The following LRP1B variants were observed in gnomAD, a reference collection of about 807,000 sequenced individuals.
The protein encoded by LRP1B is low-density lipoprotein receptor-related protein 1B.
In LRP1B, 217 loss-of-function variants were observed where a neutral mutation model predicts 556.6. The observed-to-expected ratio is 0.39, with a 90% CI of 0.35 to 0.44. The LOEUF is 0.44. Among genes scored for constraint, LRP1B ranks in the 20% least tolerant of loss-of-function variants. The pLI is 1.00. For synonymous variants in LRP1B, 2,047 were observed against 1,865.8 expected, an observed-to-expected ratio of 1.10 and a Z score of -2.50; for missense variants, 5,053 against 5,620.8, an observed-to-expected ratio of 0.90 and a Z score of 3.23.
At chr2:142,013,453 A>T (rs1703018409) in intron 1 of LRP1B, among the ~76,000 whole-genome samples, 1 of 152,112 alleles carries the variant, frequency 6.6e-6, no homozygotes, top group African/African-American at 2.4e-5. Context: ...TAGAGTCAGG[A>T]TAAAGTGATA....
intron 66 of LRP1B, among the ~76,000 whole-genome samples, chr2:140,394,506 T>C (rs575310556): frequency 3.2e-4 from 49 of 152,114 alleles, no homozygotes; most frequent in Non-Finnish European, 5.1e-4. Context: ...GACATAACTT[T>C]GCAGGCCAGA....
intron 1 of LRP1B, among the ~76,000 whole-genome samples, chr2:142,033,151 G>A (rs1246846255): frequency 1.3e-5 from 2 of 151,778 alleles, no homozygotes; most frequent in African/African-American, 2.4e-5. Context: ...ATCTCCAGCT[G>A]CTAAGATGTT....
chr2:140,429,024 A>G (rs959594360), intron 66 of LRP1B, among the ~76,000 whole-genome samples: 1 of 151,944 alleles, frequency 6.6e-6, no homozygotes, highest in Non-Finnish European at 1.5e-5. Flanking sequence ...CCCCCACCTT[A>G]ACCCACAAGT....
chr2:141,605,798 A>G (rs530305141), intron 2 of LRP1B, among the ~76,000 whole-genome samples: 62 of 152,324 alleles, frequency 4.1e-4, no homozygotes, highest in Non-Finnish European at 7.2e-4. Context: ...CAAACAGTAT[A>G]TATGGCCTGT....
At chr2:141,165,673 T>C (rs1162129820) in intron 7 of LRP1B, among the ~76,000 whole-genome samples, 1 of 151,880 alleles carries the variant, frequency 6.6e-6, no homozygotes, top group East Asian at 1.9e-4. Context: ...AATTGAACCA[T>C]TAAGGAAATT....
At chr2:142,081,723 C>A (rs1430925911) in intron 1 of LRP1B, among the ~76,000 whole-genome samples, 6 of 152,182 alleles carry the variant, frequency 3.9e-5, no homozygotes, top group African/African-American at 1.4e-4. Flanking sequence ...AAGCGATCCT[C>A]CTGCTTCAGC....
chr2:142,066,759 A>T (rs540360460), intron 1 of LRP1B, among the ~76,000 whole-genome samples: 1 of 151,464 alleles, frequency 6.6e-6, no homozygotes, highest in Non-Finnish European at 1.5e-5. Context: ...CCCAATTTCA[A>T]ATCTACTTCC....
At chr2:141,757,790 G>A (rs776295919) in intron 2 of LRP1B, among the ~76,000 whole-genome samples, 1 of 152,016 alleles carries the variant, frequency 6.6e-6, no homozygotes, top group African/African-American at 2.4e-5. Flanking sequence ...TCCCACACTG[G>A]CCTCTCAAAA....
rs547010991 is a variant in LRP1B at position 141,303,734 on chromosome 2, T to G, written c.344-49093A>C. ...AATAGTACTGCAGTAAATACAGAGA[T>G]GCAGGTATCCCTTTGATGTATTGAT... On this transcript the variant is annotated intron_variant, in intron 3 of 90. Coordinates refer to ENST00000389484, the MANE Select transcript of LRP1B (RefSeq NM_018557.3). Among the ~76,000 whole-genome samples, 7 of 152,300 alleles carry G rather than the reference T, an allele frequency of 4.6e-5. No individual in the cohort carries two copies. In the East Asian group the frequency reaches 1.4e-3, roughly 29 times the overall value.
chr2:141,496,583 G>A (rs1683516617), intron 2 of LRP1B, among the ~76,000 whole-genome samples: 1 of 152,008 alleles, frequency 6.6e-6, no homozygotes, highest in Non-Finnish European at 1.5e-5. Flanking sequence ...AGAAGAACAT[G>A]CACACTTAGT....
At position 140,487,754 on chromosome 2, in the gene LRP1B, G is replaced by T. The variant is rs1265172431; in HGVS notation, c.9121-15C>A. On this transcript the variant is annotated splice_polypyrimidine_tract_variant and intron_variant, in intron 57 of 90. Coordinates refer to ENST00000389484, the MANE Select transcript of LRP1B (RefSeq NM_018557.3). ...TTGTTTAATCCCTGAAAATAAAAAA[G>T]ACTATGTTGTCAATGATAGTTCATA... 4 of 1,478,888 alleles carry T rather than the reference G, an allele frequency of 2.7e-6. No individual in the cohort carries two copies. Among genetic ancestry groups the T allele is most frequent in the Non-Finnish European group, 3.7e-6 (4 of 1,080,112 alleles). The allele number at this position is 1,478,888 out of a possible 1,614,324, so 91.6% of individuals were successfully genotyped here.
chr2:141,578,189 C>T (rs113844292), intron 2 of LRP1B, among the ~76,000 whole-genome samples: 279 of 152,036 alleles, frequency 1.8e-3, no homozygotes, highest in African/African-American at 6.4e-3. Flanking sequence ...AGGTCAAGAG[C>T]TTGAGACCAA....
At chr2:142,005,401 CTG>C (rs1431729277) in intron 1 of LRP1B, among the ~76,000 whole-genome samples, 1 of 152,086 alleles carries the variant, frequency 6.6e-6, no homozygotes, top group Non-Finnish European at 1.5e-5. Flanking sequence ...ACAGTTTTCT[CTG>C]AAGCCCTATG....
intron 32 of LRP1B, among the ~76,000 whole-genome samples, chr2:140,783,708 T>C (rs1689782962): frequency 1.3e-5 from 2 of 152,012 alleles, no homozygotes; most frequent in African/African-American, 2.4e-5. Context: ...AATAGGGAGA[T>C]TGATGCAATT....
chr2:140,611,359 G>A (rs1683065578), intron 41 of LRP1B, among the ~76,000 whole-genome samples: 1 of 152,114 alleles, frequency 6.6e-6, no homozygotes, highest in East Asian at 1.9e-4. Flanking sequence ...AGGTGGAGAA[G>A]TGGTGAGACT....
chr2:140,446,838 A>G (rs1226138521), intron 63 of LRP1B, among the ~76,000 whole-genome samples: 2 of 152,164 alleles, frequency 1.3e-5, no homozygotes, highest in East Asian at 3.9e-4. Context: ...AATTACATCA[A>G]ATTAAAAAAC....
intron 43 of LRP1B, among the ~76,000 whole-genome samples, chr2:140,594,933 C>T (rs1276072293): frequency 6.6e-6 from 1 of 151,522 alleles, no homozygotes; most frequent in Non-Finnish European, 1.5e-5. Context: ...ATCTTCGTAA[C>T]TATACTTTCT....
chr2:140,852,465 G>A (rs13006054), intron 27 of LRP1B, among the ~76,000 whole-genome samples: 13,309 of 152,230 alleles, frequency 0.087, 647 homozygotes, highest in African/African-American at 0.12. Context: ...AATAGATGTT[G>A]TTATTTTCTT....
intron 3 of LRP1B, among the ~76,000 whole-genome samples, chr2:141,333,483 C>A (rs563436343): frequency 6.6e-6 from 1 of 152,050 alleles, no homozygotes; most frequent in Non-Finnish European, 1.5e-5. Flanking sequence ...ATTCACAACA[C>A]AAAATTATTA....
Sources: allele counts gnomAD v4.1 joint callset (sites outside exome capture counted in the v4.1 genomes callset), GRCh38; gene constraint gnomAD v4.1.1; transcripts MANE v1.5; gene names NCBI Gene and HGNC (gene_info 2026-07-23, HGNC 2026-07-21).